CTNNA3: variants seen among roughly 807,000 people sequenced by gnomAD.
CTNNA3 encodes catenin alpha 3, also known as catenin alpha-3.
Under a neutral mutation model 95.7 loss-of-function variants are expected in CTNNA3, and 76 were observed. That is an observed-to-expected ratio of 0.79 (90% CI 0.66 to 0.96). The LOEUF is 0.96. CTNNA3 is among the 40% of genes least tolerant of loss of function. The pLI, the probability that CTNNA3 is intolerant of heterozygous loss-of-function variation, is 0.00. For synonymous variants in CTNNA3, 431 were observed against 374.4 expected (o/e 1.15, Z -1.74); for missense variants, 1,191 against 1,089.8 (o/e 1.09, Z -1.31).
chr10:67,007,119 G>A (rs1206392496), intron 7 of CTNNA3, among the ~76,000 whole-genome samples: 1 of 152,014 alleles, frequency 6.6e-6, no homozygotes, highest in Non-Finnish European at 1.5e-5. Context: ...ATTATGTATT[G>A]CTTATTGGTT....
intron 13 of CTNNA3, among the ~76,000 whole-genome samples, chr10:66,210,542 A>C (rs945273624): frequency 1.3e-5 from 2 of 152,104 alleles, no homozygotes; most frequent in African/African-American, 4.8e-5. Context: ...TCCAGGGTAA[A>C]TCTATTGTTT....
At chr10:67,676,726 C>G (rs1171795096) in intron 1 of CTNNA3, among the ~76,000 whole-genome samples, 1 of 152,200 alleles carries the variant, frequency 6.6e-6, no homozygotes, top group Non-Finnish European at 1.5e-5. Flanking sequence ...TGCACTCTAG[C>G]TGTTGCTGTG....
At chr10:66,911,318 G>C (rs1184641347) in intron 7 of CTNNA3, among the ~76,000 whole-genome samples, 2 of 152,050 alleles carry the variant, frequency 1.3e-5, no homozygotes, top group Non-Finnish European at 2.9e-5. Flanking sequence ...ATATTAGTAA[G>C]GATTACTTTT....
intron 1 of CTNNA3, among the ~76,000 whole-genome samples, chr10:67,668,779 GA>G (rs1840375493): frequency 6.7e-6 from 1 of 149,708 alleles, no homozygotes; most frequent in Non-Finnish European, 1.5e-5. Context: ...GGTTGACCTT[GA>G]GTATCTAAAA....
intron 7 of CTNNA3, among the ~76,000 whole-genome samples, chr10:66,834,650 A>G (rs1421318353): frequency 6.6e-6 from 1 of 152,198 alleles, no homozygotes; most frequent in Non-Finnish European, 1.5e-5. Context: ...AACAGCATGA[A>G]CCACTCATAT....
intron 5 of CTNNA3, among the ~76,000 whole-genome samples, chr10:67,257,089 T>C (rs571141188): frequency 1.3e-5 from 2 of 152,240 alleles, no homozygotes; most frequent in Non-Finnish European, 1.5e-5. Context: ...AGAATTCTGA[T>C]AGCAGATAAT....
chr10:67,518,370 C>A (rs1270240784), intron 5 of CTNNA3, among the ~76,000 whole-genome samples: 1 of 152,104 alleles, frequency 6.6e-6, no homozygotes, highest in Non-Finnish European at 1.5e-5. Context: ...ATGAAACGGG[C>A]TGTACATTCT....
chr10:66,036,335 A>T (rs2079562891), intron 15 of CTNNA3, among the ~76,000 whole-genome samples: 1 of 152,044 alleles, frequency 6.6e-6, no homozygotes, highest in African/African-American at 2.4e-5. Flanking sequence ...GGCGAAAACC[A>T]TGCATGTTTA....
chr10:66,820,818 G>T (rs537525402), intron 7 of CTNNA3, among the ~76,000 whole-genome samples: 105 of 152,016 alleles, frequency 6.9e-4, no homozygotes, highest in Non-Finnish European at 1.4e-3. Flanking sequence ...TTCTGATTAT[G>T]ACCAAAATAA....
At chr10:67,712,756 G>A (rs1841118966) in intron 1 of CTNNA3, among the ~76,000 whole-genome samples, 2 of 152,088 alleles carry the variant, frequency 1.3e-5, no homozygotes, top group African/African-American at 4.8e-5. Flanking sequence ...ACTGGACCTC[G>A]TCCTTACACC....
chr10:67,249,327 G>A (rs550908275), intron 5 of CTNNA3, among the ~76,000 whole-genome samples: 1 of 152,172 alleles, frequency 6.6e-6, no homozygotes, highest in African/African-American at 2.4e-5. Context: ...AGTACCACAG[G>A]GTGTTGGTTC....
chr10:66,784,614 C>T (rs925172105), intron 7 of CTNNA3, among the ~76,000 whole-genome samples: 1 of 152,028 alleles, frequency 6.6e-6, no homozygotes, highest in Non-Finnish European at 1.5e-5. Flanking sequence ...TTCTTTATTT[C>T]ATTAAAAAAC....
intron 9 of CTNNA3, among the ~76,000 whole-genome samples, chr10:66,631,890 T>G (rs2132346397): frequency 6.6e-6 from 1 of 152,250 alleles, no homozygotes; most frequent in Admixed American, 6.5e-5. Context: ...GTAACACTTC[T>G]TCATGCAGAA....
chr10:66,178,397 G>GTGTA (rs1435705013), intron 13 of CTNNA3, among the ~76,000 whole-genome samples: 5 of 81,238 alleles, frequency 6.2e-5, no homozygotes, highest in African/African-American at 2.2e-4. Context: ...AACCTTGAAA[G>GTGTA]TGTATATATA....
intron 13 of CTNNA3, among the ~76,000 whole-genome samples, chr10:66,229,003 G>T (rs1370268264): frequency 6.6e-6 from 1 of 151,820 alleles, no homozygotes; most frequent in Non-Finnish European, 1.5e-5. Context: ...TCCATTCTTT[G>T]ACTTTCAGTC....
At chr10:66,102,992 C>T (rs1437389715) in intron 14 of CTNNA3, among the ~76,000 whole-genome samples, 165 bp downstream of exon 14, 1 of 151,930 alleles carries the variant, frequency 6.6e-6, no homozygotes, top group Non-Finnish European at 1.5e-5. Flanking sequence ...AAAATAATTC[C>T]CCTCATGTGG....
At chr10:67,076,408 T>C (rs1404807232) in intron 7 of CTNNA3, among the ~76,000 whole-genome samples, 1 of 152,188 alleles carries the variant, frequency 6.6e-6, no homozygotes, top group Non-Finnish European at 1.5e-5. Context: ...AGGAGCAAAG[T>C]CCACCTGCAT....
At chr10:66,636,321 A>G (rs1251948176) in intron 9 of CTNNA3, among the ~76,000 whole-genome samples, 1 of 152,086 alleles carries the variant, frequency 6.6e-6, no homozygotes, top group African/African-American at 2.4e-5. Flanking sequence ...CTACCCCTGT[A>G]CCTCTACAGC....
intron 15 of CTNNA3, among the ~76,000 whole-genome samples, chr10:66,016,602 A>T (rs1328844456): frequency 6.6e-6 from 1 of 152,178 alleles, no homozygotes; most frequent in Non-Finnish European, 1.5e-5. Flanking sequence ...CTAAAGAGTG[A>T]GTCTAATTCC....
Sources: gnomAD v4.1 joint callset for allele counts (sites outside exome capture counted in the v4.1 genomes callset) on GRCh38, gnomAD v4.1.1 for gene constraint, MANE v1.5 for transcripts, NCBI Gene and HGNC (gene_info 2026-07-23, HGNC 2026-07-21) for gene names.